BBS9: variants seen among roughly 807,000 people sequenced by gnomAD.
BBS9 encodes Bardet-Biedl syndrome 9.
A neutral mutation model predicts 117.7 loss-of-function variants in BBS9; 89 were observed. The observed-to-expected ratio is 0.76, with a 90% confidence interval of 0.64 to 0.90. The LOEUF (loss-of-function observed/expected upper bound fraction) is 0.90, where lower values mean the gene tolerates loss of function less well. BBS9 is among the 40% of genes least tolerant of loss of function. The pLI, the probability that BBS9 is intolerant of heterozygous loss-of-function variation, is 0.00. For synonymous variants in BBS9, 379 were observed against 370.9 expected, an observed-to-expected ratio of 1.02 and a Z score of -0.25; for missense variants, 982 against 1,042.2, an observed-to-expected ratio of 0.94 and a Z score of 0.80.
chr7:33,630,713 C>A (rs933258669), intron 21 of BBS9, among the ~76,000 whole-genome samples: 3 of 152,156 alleles, frequency 2.0e-5, no homozygotes, highest in Non-Finnish European at 4.4e-5. Flanking sequence ...CTCTGACTTC[C>A]TCGCTGGGCA....
intron 19 of BBS9, among the ~76,000 whole-genome samples, chr7:33,458,657 T>C (rs1839000138): frequency 1.3e-5 from 2 of 152,156 alleles, no homozygotes; most frequent in East Asian, 1.9e-4. Context: ...TAAAAGGAAC[T>C]AGTCTCTGTT....
At chr7:33,460,299 C>T (rs1839270819) in intron 19 of BBS9, among the ~76,000 whole-genome samples, 1 of 152,020 alleles carries the variant, frequency 6.6e-6, no homozygotes, top group Admixed American at 6.6e-5. Context: ...AAGATAGTTT[C>T]TGGAATTTCT....
intron 20 of BBS9, among the ~76,000 whole-genome samples, chr7:33,518,426 C>T (rs1163420811): frequency 6.6e-6 from 1 of 151,466 alleles, no homozygotes. Flanking sequence ...AATTTTTGTA[C>T]TTTTAATAGA....
chr7:33,616,165 TTTGA>T (rs1562533748), intron 21 of BBS9, among the ~76,000 whole-genome samples: 1 of 150,724 alleles, frequency 6.6e-6, no homozygotes, highest in South Asian at 2.1e-4. Flanking sequence ...CTTTATTAGT[TTTGA>T]TTGATCTAAC....
chr7:33,474,068 C>A (rs1477450496), intron 19 of BBS9, among the ~76,000 whole-genome samples: 1 of 152,106 alleles, frequency 6.6e-6, no homozygotes. Flanking sequence ...AAATTGTGGT[C>A]TCTTTAGTTG....
At chr7:33,618,249 A>G (rs1396319668) in intron 21 of BBS9, among the ~76,000 whole-genome samples, 1 of 151,956 alleles carries the variant, frequency 6.6e-6, no homozygotes, top group Non-Finnish European at 1.5e-5. Flanking sequence ...GGAGGCTGAG[A>G]TGGGAGGATC....
chr7:33,317,960 G>A (rs1174231516), intron 9 of BBS9, among the ~76,000 whole-genome samples: 1 of 152,188 alleles, frequency 6.6e-6, no homozygotes, highest in Non-Finnish European at 1.5e-5. Flanking sequence ...GCTTAGGCAT[G>A]AGAATTGCTT....
chr7:33,383,073 T>C (rs1041783760), intron 17 of BBS9, among the ~76,000 whole-genome samples: 7 of 152,206 alleles, frequency 4.6e-5, no homozygotes, highest in African/African-American at 1.7e-4. Flanking sequence ...GGGTAGAGAA[T>C]AGCTAGAAAT....
chr7:33,429,924 G>A (rs1341819200), intron 19 of BBS9, among the ~76,000 whole-genome samples: 1 of 152,090 alleles, frequency 6.6e-6, no homozygotes, highest in Non-Finnish European at 1.5e-5. Context: ...CTATGGGAAG[G>A]GAGAGTTGCC....
intron 5 of BBS9, among the ~76,000 whole-genome samples, chr7:33,248,227 C>T (rs1795666255): frequency 6.6e-6 from 1 of 152,170 alleles, no homozygotes; most frequent in Non-Finnish European, 1.5e-5. Context: ...AAAATATTAG[C>T]TATTCAGCTC....
chr7:33,368,612 A>ACACACC lies in BBS9; in HGVS notation c.1789+753_1789+758dup, dbSNP rs1554445047. On this transcript the variant is annotated intron_variant, in intron 17 of 22. Coordinates refer to ENST00000242067, the MANE Select transcript of BBS9 (RefSeq NM_198428.3). ...CACACACACACACACACACACACAC[A>ACACACC]CACACCCATACCCCCTTGAAATAGT... 6.4e-4 allele frequency among the ~76,000 whole-genome samples: 93 copies of ACACACC among 145,812 alleles called. 1 individual carries two copies. Among genetic ancestry groups the ACACACC allele is most frequent in the African/African-American group, 2.3e-3 (90 of 38,766 alleles).
At chr7:33,610,922 G>C (rs1864822100), downstream of BBS9, among the ~76,000 whole-genome samples, 1 of 152,018 alleles carries the variant, frequency 6.6e-6, no homozygotes, top group Non-Finnish European at 1.5e-5. Flanking sequence ...TATACATTCA[G>C]GGACAGTTCT....
rs756802547 is a variant in BBS9 at position 33,357,844 on chromosome 7, T to C, written c.1553-11T>C. 3.0e-5 allele frequency: 48 copies of C among 1,609,826 alleles called. No homozygotes were observed. In the East Asian group the frequency reaches 1.1e-3, roughly 36 times the overall value. On this transcript the variant is annotated splice_polypyrimidine_tract_variant and intron_variant, in intron 15 of 22. Coordinates refer to ENST00000242067, the MANE Select transcript of BBS9 (RefSeq NM_198428.3). ...AAGTCTATGAATCTACATATCTCTC[T>C]TTTATTTTAGGCATTCCGCGAGTTA...
At position 33,469,628 on chromosome 7, in the gene BBS9, A is replaced by C. The variant is rs1488874013; in HGVS notation, c.2116-35835A>C. On this transcript the variant is annotated intron_variant, in intron 19 of 22. Transcript: ENST00000242067. The stretch of plus-strand genomic sequence containing the variant: ...AGGGTTAAATGAACTGCAACAATGC[A>C]ATATCTATTTGAAATGCTTTTTAGT... 3.9e-5 allele frequency among the ~76,000 whole-genome samples: 6 copies of C among 152,222 alleles called. No homozygotes were observed. The East Asian group carries it at 9.6e-4, about 24-fold the overall frequency.
chr7:33,622,641 C>G (rs1865465146), intron 21 of BBS9, among the ~76,000 whole-genome samples: 1 of 152,104 alleles, frequency 6.6e-6, no homozygotes, highest in South Asian at 2.1e-4. Flanking sequence ...CATGGAAGAG[C>G]AAAGGCCTCA....
chr7:33,154,434 G>A (rs139200791), intron 3 of BBS9, among the ~76,000 whole-genome samples: 76 of 152,226 alleles, frequency 5.0e-4, no homozygotes, highest in African/African-American at 1.8e-3. Context: ...TACACTGGAG[G>A]CCTGCTTGTA....
At chr7:33,386,403 C>T (rs1826008833) in intron 18 of BBS9, among the ~76,000 whole-genome samples, 1 of 151,880 alleles carries the variant, frequency 6.6e-6, no homozygotes, top group Non-Finnish European at 1.5e-5. Flanking sequence ...ATTCACATGA[C>T]CTAATCTTAT....
intron 6 of BBS9, among the ~76,000 whole-genome samples, chr7:33,263,998 A>C (rs904220247): frequency 2.6e-5 from 4 of 152,000 alleles, no homozygotes; most frequent in Non-Finnish European, 5.9e-5. Context: ...TTTCTTGAGC[A>C]TTGTTACTTG....
intron 19 of BBS9, among the ~76,000 whole-genome samples, chr7:33,445,704 T>G (rs1044473066): frequency 6.6e-6 from 1 of 152,078 alleles, no homozygotes. Context: ...ATAATCCCCA[T>G]GTGTTGAGGG....
Sources: allele counts gnomAD v4.1 joint callset (sites outside exome capture counted in the v4.1 genomes callset), GRCh38; gene constraint gnomAD v4.1.1; transcripts MANE v1.5; gene names NCBI Gene and HGNC (gene_info 2026-07-23, HGNC 2026-07-21).